Variants in TJP2 observed in about 807,000 individuals in gnomAD.
TJP2 encodes the protein tight junction protein 2.
TJP2 carries 91 observed loss-of-function variants against 133.1 expected under a neutral mutation model. The ratio of observed to expected loss-of-function variants is 0.68; its 90% CI spans 0.58 to 0.81. TJP2 has a LOEUF of 0.81. TJP2 is among the 40% of genes least tolerant of loss of function. The pLI is 0.00. For synonymous variants in TJP2, 592 were observed against 583.4 expected (o/e 1.01, Z -0.21); for missense variants, 1,541 against 1,565.6 (o/e 0.98, Z 0.26).
chr9:69,145,780 C>T (rs1041573927), intron 1 of TJP2: 43 of 1,231,888 alleles, frequency 3.5e-5, no homozygotes, highest in Non-Finnish European at 4.0e-5. Flanking sequence ...GAACTTCTAC[C>T]TGAGAGCAGA....
chr9:69,140,233 A>C (rs1564375336), intron 1 of TJP2, among the ~76,000 whole-genome samples: 1 of 152,222 alleles, frequency 6.6e-6, no homozygotes, highest in Admixed American at 6.5e-5. Flanking sequence ...AAATACACTT[A>C]CACGGTGTAT....
At chr9:69,167,330 G>T (rs1824412037) in intron 2 of TJP2, among the ~76,000 whole-genome samples, 1 of 152,144 alleles carries the variant, frequency 6.6e-6, no homozygotes, top group African/African-American at 2.4e-5. Flanking sequence ...CATCCATGTG[G>T]TCTTCTGTCT....
chr9:69,151,480 CA>C (rs141276955), intron 1 of TJP2, among the ~76,000 whole-genome samples: 1,515 of 126,188 alleles, frequency 0.012, 30 homozygotes, highest in African/African-American at 0.037. Context: ...AACTCCGTCT[CA>C]AAAAAAAAAA....
At chr9:69,212,970 T>A (rs200637001) in intron 2 of TJP2, among the ~76,000 whole-genome samples, 5 of 43,898 alleles carry the variant, frequency 1.1e-4, no homozygotes, top group African/African-American at 1.5e-4. Context: ...TATACATACC[T>A]TATAACTCTT....
chr9:69,234,116 A>G (rs1829987634), intron 11 of TJP2, among the ~76,000 whole-genome samples: 1 of 152,154 alleles, frequency 6.6e-6, no homozygotes, highest in South Asian at 2.1e-4. Flanking sequence ...CAGAAGGGAG[A>G]TGGATAGAAA....
Position 69,254,315 on chromosome 9 carries a change from G to A in TJP2, c.3514G>A (p.Glu1172Lys), listed in dbSNP as rs1424479175. 6.2e-7 allele frequency: 1 copy of A among 1,614,256 alleles called. No individual in the cohort carries two copies. The highest frequency in any genetic ancestry group is 2.2e-5 in the East Asian group (1 of 44,886). ...GGAGGAGTACCGCCAGCAGCTGTCA[G>A]AACACTCCAAGCGCGGTTACTATGG... Reference protein sequence around the residue: ...EEEEYRQQLSEHSKRGYYGQS... With the variant: ...EEEEYRQQLSKHSKRGYYGQS... Residue 1172 changes from glutamate (E) to lysine (K), a missense_variant, in exon 23 of 23, where the codon GAA becomes AAA. Coordinates refer to ENST00000377245, the MANE Select transcript of TJP2 (RefSeq NM_004817.4).
chr9:69,240,728 G>A (rs1439491431), intron 17 of TJP2, among the ~76,000 whole-genome samples: 2 of 151,906 alleles, frequency 1.3e-5, no homozygotes, highest in African/African-American at 2.4e-5. Context: ...GCTTGAGCCA[G>A]GAATTCAAAG....
chr9:69,229,499 AGT>A (rs1369395452), intron 10 of TJP2, among the ~76,000 whole-genome samples: 1 of 152,194 alleles, frequency 6.6e-6, no homozygotes, highest in Non-Finnish European at 1.5e-5. Context: ...ACCTTTCCAG[AGT>A]GTTACTCTGA....
At chr9:69,218,456 C>T (rs932723715) in intron 4 of TJP2, 97 bp downstream of exon 4, 1 of 885,940 alleles carries the variant, frequency 1.1e-6, no homozygotes, top group Admixed American at 2.0e-5. Context: ...GACAGAATTA[C>T]ATAACCTAGG....
At chr9:69,141,508 A>C (rs1823017726) in intron 1 of TJP2, among the ~76,000 whole-genome samples, 2 of 152,294 alleles carry the variant, frequency 1.3e-5, no homozygotes, top group African/African-American at 4.8e-5. Context: ...CTGAAGAGGC[A>C]TTAGGAATGG....
chr9:69,236,932 C>T lies in TJP2; in HGVS notation c.1992-17C>T, dbSNP rs752723930. 1.9e-6 allele frequency: 3 copies of T among 1,613,952 alleles called. No homozygotes were observed. The highest frequency in any genetic ancestry group is 1.7e-6 in the Non-Finnish European group (2 of 1,179,850). Reference sequence around the variant, plus strand: ...TTTTCTGGCTTTAGAGATTTACTTCCCGTGGTTTCTTCTCAGAGCTGAACA... The same window carrying T: ...TTTTCTGGCTTTAGAGATTTACTTCTCGTGGTTTCTTCTCAGAGCTGAACA... On this transcript the variant is annotated splice_polypyrimidine_tract_variant and intron_variant, in intron 13 of 22. Coordinates refer to ENST00000377245, the MANE Select transcript of TJP2 (RefSeq NM_004817.4).
chr9:69,252,896 A>G lies in TJP2; in HGVS notation c.3403A>G (p.Thr1135Ala). The change falls in exon 22 of 23, where the codon ACG (threonine) becomes GCG (alanine). Residue 1135 changes from threonine (T) to alanine (A), a missense_variant. Thr to Ala is a moderately conservative substitution (Grantham distance 58, BLOSUM62 0). Coordinates refer to ENST00000377245, the MANE Select transcript of TJP2 (RefSeq NM_004817.4). ...HKPDPGTPQH[T>A]SSRPPEPQKA... ...GCCAGACCCTGGCACGCCCCAGCAC[A>G]CGAGGTAAGGGCTGCCTAGTGGGTA... 1 of 1,614,172 alleles carries G rather than the reference A, an allele frequency of 6.2e-7. No homozygotes were observed. Among genetic ancestry groups the G allele is most frequent in the Non-Finnish European group, 8.5e-7 (1 of 1,180,020 alleles).
intron 14 of TJP2, among the ~76,000 whole-genome samples, chr9:69,237,672 C>T (rs1195898990): frequency 6.6e-6 from 1 of 151,792 alleles, no homozygotes; most frequent in African/African-American, 2.4e-5. Flanking sequence ...TCTAGGTTAG[C>T]ATGTGGTTGA....
At chr9:69,177,843 C>T (rs183258850) in intron 1 of TJP2, among the ~76,000 whole-genome samples, 20 of 152,100 alleles carry the variant, frequency 1.3e-4, no homozygotes, top group Admixed American at 5.9e-4. Context: ...CCTAGGAAAG[C>T]AGTTGAGCTA....
chr9:69,235,250 G>A (rs181098994), intron 12 of TJP2, among the ~76,000 whole-genome samples: 182 of 152,128 alleles, frequency 1.2e-3, no homozygotes, highest in Non-Finnish European at 2.1e-3. Flanking sequence ...AGCTGATGTC[G>A]CCTTTTGAAG....
intron 1 of TJP2, among the ~76,000 whole-genome samples, chr9:69,202,459 C>T (rs950692919): frequency 3.3e-5 from 5 of 152,242 alleles, no homozygotes; most frequent in South Asian, 4.1e-4. Context: ...TTAGGAGTGC[C>T]GACCCTCACA....
In TJP2 at chr9:69,221,156, C is replaced by T. The variant is rs748475651; in HGVS notation, c.612C>T (p.Gly204=). The T allele has an allele frequency of 1.9e-6, 3 of 1,595,754 alleles. No homozygotes were observed. In the African/African-American group the frequency reaches 4.0e-5, roughly 21 times the overall value. ...GCCGTGGCCGGAGCCTGGAGCGGGGCCTGGACCAAGACCATGCGCGCACCC... is the reference window on the plus strand; with the variant it reads ...GCCGTGGCCGGAGCCTGGAGCGGGGTCTGGACCAAGACCATGCGCGCACCC... ...DRSRGRSLER[G]LDQDHARTRD... is the part of the protein sequence containing the mutation. The change falls in exon 5 of 23, where the codon GGC becomes GGT. Residue 204 remains glycine, a synonymous_variant. Transcript: ENST00000377245.
rs199910382 is a variant in TJP2 at position 69,227,805 on chromosome 9, G to A, written c.1251G>A (p.Glu417=). 6.2e-7 allele frequency: 1 copy of A among 1,613,812 alleles called. No homozygotes were observed. The highest frequency in any genetic ancestry group is 2.2e-5 in the East Asian group (1 of 44,872). ...AGTCAAACCGATCATTTTCTCCAGAGGAGAGACGTCATCAGTATTCTGATT... is the reference window on the plus strand; with the variant it reads ...AGTCAAACCGATCATTTTCTCCAGAAGAGAGACGTCATCAGTATTCTGATT... ...EIESNRSFSP[E]ERRHQYSDYD... The change falls in exon 8 of 23, where the codon GAG becomes GAA. Residue 417 remains glutamate, a synonymous_variant. Coordinates refer to ENST00000377245, the MANE Select transcript of TJP2 (RefSeq NM_004817.4).
At chr9:69,129,516 CAAAA>C (rs373965068) in intron 1 of TJP2, among the ~76,000 whole-genome samples, 4 of 149,670 alleles carry the variant, frequency 2.7e-5, no homozygotes, top group African/African-American at 9.8e-5. Context: ...TCGCAAAAAA[CAAAA>C]AAAAACCCCG....
Sources: gnomAD v4.1 joint callset for allele counts (sites outside exome capture counted in the v4.1 genomes callset) on GRCh38, gnomAD v4.1.1 for gene constraint, MANE v1.5 for transcripts, NCBI Gene and HGNC (gene_info 2026-07-23, HGNC 2026-07-21) for gene names.